Variants in HSPA9 observed in about 807,000 individuals in gnomAD.
HSPA9 encodes stress-70 protein, mitochondrial.
HSPA9 carries 28 observed loss-of-function variants against 81.5 expected under a neutral mutation model. The observed-to-expected ratio is 0.34, with a 90% confidence interval of 0.25 to 0.47. HSPA9 has a LOEUF of 0.47. Ranked by LOEUF, HSPA9 falls within the 20% of genes least tolerant of loss-of-function variation. The probability of loss-of-function intolerance (pLI) is 1.00; values close to 1 mark genes in which losing one functional copy is unlikely to be tolerated. For synonymous variants in HSPA9, 293 were observed against 290.4 expected (o/e 1.01, Z -0.09); for missense variants, 678 against 838.0 (o/e 0.81, Z 2.36).
intron 16 of HSPA9, 70 bp downstream of exon 16, chr5:138,556,382 C>A: frequency 6.5e-7 from 1 of 1,547,442 alleles, no homozygotes; most frequent in Non-Finnish European, 8.9e-7. Context: ...GAGGGAGCCA[C>A]CAGTGACAGT....
Position 138,556,831 on chromosome 5 carries a change from G to T in HSPA9, c.1764C>A (p.Ile588=). Residue 588 remains isoleucine, a synonymous_variant, in exon 15 of 17, where the codon ATC becomes ATA. Transcript: ENST00000297185. ...CCATCTTGGTTTCTGTGTCGTGAAT[G>T]ATTCCTTCAGCCATATTAACTGCTT... The part of the protein sequence containing the change: ...RVEAVNMAEG[I]IHDTETKMEE... 1.2e-6 allele frequency: 2 copies of T among 1,613,858 alleles called. No homozygotes were observed. The highest frequency in any genetic ancestry group is 1.6e-4 in the Middle Eastern group (1 of 6,062).
intron 13 of HSPA9, 45 bp from the exon 14 acceptor site, chr5:138,557,541 T>G: frequency 8.6e-7 from 1 of 1,158,240 alleles, no homozygotes; most frequent in Non-Finnish European, 1.3e-6. Flanking sequence ...GGTAAAGTTA[T>G]ATGCCTCTTC....
rs1324481183 is a variant in HSPA9 at position 138,554,618 on chromosome 5, C to T, written c.*1419G>A. On this transcript the variant is annotated 3_prime_UTR_variant, in exon 17 of 17. Transcript: ENST00000297185. ...CTGATTTTTGGAAATACAGTAATCT[C>T]ATTTCTACATATTACAAAACATTAT... 6.6e-6 allele frequency among the ~76,000 whole-genome samples: 1 copy of T among 152,232 alleles called. No homozygotes were observed. The highest frequency in any genetic ancestry group is 1.5e-5 in the Non-Finnish European group (1 of 68,046).
intron 4 of HSPA9, among the ~76,000 whole-genome samples, chr5:138,570,375 C>T (rs1037053678): frequency 5.9e-5 from 9 of 152,154 alleles, no homozygotes; most frequent in African/African-American, 1.9e-4. Context: ...CATGATAGAA[C>T]CTATGCCATT....
intron 9 of HSPA9, among the ~76,000 whole-genome samples, chr5:138,564,381 G>A (rs528118511): frequency 1.3e-5 from 2 of 152,318 alleles, no homozygotes; most frequent in African/African-American, 4.8e-5. Flanking sequence ...TGAGATTACA[G>A]ATGTGAGCCA....
rs1186233815 is a variant in HSPA9, at chr5:138,566,188, CAAAAAAAAAAAA to C, written c.972+426_972+437del. Among the ~76,000 whole-genome samples the C allele has an allele frequency of 8.4e-5, 5 of 59,642 alleles. No individual in the cohort carries two copies. In the East Asian group the frequency reaches 3.3e-3, roughly 40 times the overall value. 39.1% of individuals were successfully genotyped at this position (59,642 alleles called of 152,430 possible). A position where few individuals can be genotyped will look rare whatever the true frequency, so the allele number is the denominator to read the frequency against. On this transcript the variant is annotated intron_variant, in intron 9 of 16. Transcript: ENST00000297185. ...GGGCAACAGGAGCAAAACTCTGTCTCAAAAAAAAAAAAAAAAAAAAAAAAAAGACACTCAGAG... is the reference window on the plus strand; with the variant it reads ...GGGCAACAGGAGCAAAACTCTGTCTCAAAAAAAAAAAAAAGACACTCAGAG...
chr5:138,572,348 T>C (rs1393731356), intron 3 of HSPA9, among the ~76,000 whole-genome samples: 1 of 152,178 alleles, frequency 6.6e-6, no homozygotes, highest in Non-Finnish European at 1.5e-5. Context: ...AAATGTGGTA[T>C]AGAGGTAGGA....
chr5:138,568,431 C>A (rs1369380775), intron 5 of HSPA9, among the ~76,000 whole-genome samples: 1 of 151,826 alleles, frequency 6.6e-6, no homozygotes, highest in Non-Finnish European at 1.5e-5. Flanking sequence ...CGCTTGAACC[C>A]GGGAGGCGGA....
At chr5:138,569,716 G>A (rs256012) in intron 4 of HSPA9, among the ~76,000 whole-genome samples, 144,116 of 152,168 alleles carry the variant, frequency 0.95, 68,300 homozygotes, top group East Asian at 0.99. Context: ...AAAATATTTA[G>A]TTTATATATA....
chr5:138,569,119 C>G, intron 4 of HSPA9, 70 bp from the exon 5 acceptor site: 1 of 1,433,464 alleles, frequency 7.0e-7, no homozygotes, highest in Non-Finnish European at 9.8e-7. Flanking sequence ...TACCACATAC[C>G]ATGAACATCC....
At chr5:138,561,940 A>T in intron 9 of HSPA9, 151 bp from the exon 10 acceptor site, 2 of 703,494 alleles carry the variant, frequency 2.8e-6, no homozygotes, top group South Asian at 3.1e-5. Flanking sequence ...AGTCACCAAG[A>T]ATACTTTTTT....
At position 138,557,959 on chromosome 5, in the gene HSPA9, C is replaced by G; in HGVS notation, c.1543G>C (p.Val515Leu). The G allele has an allele frequency of 6.2e-7, 1 of 1,610,682 alleles. No homozygotes were observed. The highest frequency in any genetic ancestry group is 1.1e-5 in the South Asian group (1 of 90,966). ...LIGIPPAPRG[V>L]PQIEVTFDID... Reference sequence around the variant, plus strand: ...TCAAATGTAACTTCAATCTGAGGAACTCCACGAGGGGCTGGTGGAATTCCA... The same window carrying G: ...TCAAATGTAACTTCAATCTGAGGAAGTCCACGAGGGGCTGGTGGAATTCCA... Residue 515 changes from valine to leucine, a missense_variant, in exon 13 of 17, where the codon GTT becomes CTT. Coordinates refer to ENST00000297185, the MANE Select transcript of HSPA9 (RefSeq NM_004134.7).
intron 12 of HSPA9, 142 bp downstream of exon 12, chr5:138,558,411 G>GT (rs1450163717): frequency 5.7e-6 from 4 of 707,346 alleles, no homozygotes; most frequent in Non-Finnish European, 1.0e-5. Flanking sequence ...GATGCCATGG[G>GT]TATCTAGTTG....
Position 138,575,359 on chromosome 5 carries a change from C to A in HSPA9, c.-41G>T, listed in dbSNP as rs1463121470. The A allele has an allele frequency of 2.6e-6, 4 of 1,532,846 alleles. No homozygotes were observed. The highest frequency in any genetic ancestry group is 1.1e-5 in the South Asian group (1 of 88,296). 95.0% of individuals were successfully genotyped at this position (1,532,846 alleles called of 1,614,324 possible). On this transcript the variant is annotated 5_prime_UTR_variant, in exon 1 of 17. Transcript: ENST00000297185. ...GAGTACGAGGCAGCAAACAAGCGCT[C>A]CGACGGCAAAGAGCTGCGCGATGCG...
chr5:138,573,408 C>T (rs562715471), intron 3 of HSPA9, among the ~76,000 whole-genome samples: 6 of 152,148 alleles, frequency 3.9e-5, no homozygotes, highest in African/African-American at 1.4e-4. Context: ...CATCTGTAAT[C>T]CCAGCACTTT....
At chr5:138,556,687 C>T (rs1266467256) in intron 15 of HSPA9, 87 bp downstream of exon 15, 1 of 1,552,770 alleles carries the variant, frequency 6.4e-7, no homozygotes, top group African/African-American at 1.4e-5. Flanking sequence ...ATAATTAAAC[C>T]CCTATCAAAA....
chr5:138,573,760 C>T lies in HSPA9; in HGVS notation c.228+3G>A. On this transcript the variant is annotated splice_donor_region_variant and intron_variant, in intron 3 of 16. Transcript: ENST00000297185. ...TAAGGTACTAGTTATCAATCATGCT[C>T]ACCTTTGCTTGTTTACCTTCCATAA... 6.3e-7 allele frequency: 1 copy of T among 1,582,786 alleles called. No homozygotes were observed. The highest frequency in any genetic ancestry group is 8.7e-7 in the Non-Finnish European group (1 of 1,154,500).
intron 4 of HSPA9, among the ~76,000 whole-genome samples, chr5:138,570,645 A>C (rs752209629): frequency 2.6e-5 from 4 of 151,970 alleles, no homozygotes; most frequent in Non-Finnish European, 4.4e-5. Flanking sequence ...ACCATCATGC[A>C]CAGCTAATTT....
At chr5:138,556,342 A>C (rs541755903) in intron 16 of HSPA9, 110 bp downstream of exon 16, 1 of 1,336,820 alleles carries the variant, frequency 7.5e-7, no homozygotes, top group Non-Finnish European at 1.1e-6. Context: ...CCCAACTCTA[A>C]TCTCACTCTA....
Sources: allele counts gnomAD v4.1 joint callset (sites outside exome capture counted in the v4.1 genomes callset), GRCh38; gene constraint gnomAD v4.1.1; transcripts MANE v1.5; gene names NCBI Gene and HGNC (gene_info 2026-07-23, HGNC 2026-07-21).